The following CDRT4 variants were observed in gnomAD, a reference collection of about 807,000 sequenced individuals.
CDRT4 encodes CMT1A duplicated region transcript 4 protein.
For synonymous variants in CDRT4, 64 were observed against 69.6 expected (o/e 0.92, Z 0.40); for missense variants, 167 against 193.1 (o/e 0.87, Z 0.80).
chr17:15,441,752 C>G (rs757206149), intron 2 of CDRT4, among the ~76,000 whole-genome samples: 4 of 152,150 alleles, frequency 2.6e-5, no homozygotes, highest in Non-Finnish European at 4.4e-5. Flanking sequence ...CAAAAAAATG[C>G]TCTTTTTGTC....
In CDRT4 at chr17:15,457,734, G is replaced by A. The variant is rs573478142; in HGVS notation, c.-129-4649C>T. Reference sequence around the variant, plus strand: ...AGCAGCTTCTCAAAAAAGCCCCCCTGAGCTGCTTTGCTTTTGGGGCCACAG... The same window carrying A: ...AGCAGCTTCTCAAAAAAGCCCCCCTAAGCTGCTTTGCTTTTGGGGCCACAG... On this transcript the variant is annotated intron_variant, in intron 1 of 3. Transcript: ENST00000619038. Among the ~76,000 whole-genome samples the A allele has an allele frequency of 3.8e-4, 58 of 152,304 alleles. No homozygotes were observed. In the South Asian group the frequency reaches 7.5e-3, roughly 20 times the overall value.
chr17:15,443,118 G>GACA (rs1235804310), intron 2 of CDRT4, among the ~76,000 whole-genome samples: 1 of 152,042 alleles, frequency 6.6e-6, no homozygotes, highest in Non-Finnish European at 1.5e-5. Flanking sequence ...AATCTAGTCT[G>GACA]ACAGACTAGG....
intron 2 of CDRT4, among the ~76,000 whole-genome samples, chr17:15,440,685 C>T (rs985488137): frequency 8.5e-5 from 13 of 152,154 alleles, no homozygotes; most frequent in African/African-American, 2.7e-4. Flanking sequence ...ACTACAAGCA[C>T]GACATCCAAC....
chr17:15,465,170 CACAG>C lies in CDRT4; in HGVS notation c.-130+2286_-130+2289del, dbSNP rs796345441. Among the ~76,000 whole-genome samples, 390 of 134,356 alleles carry C rather than the reference CACAG, an allele frequency of 2.9e-3. 58 individuals are homozygous for C. The highest frequency in any genetic ancestry group is 0.011 in the African/African-American group (365 of 32,240). The allele number at this position is 134,356 out of a possible 152,430, so 88.1% of individuals were successfully genotyped here. ...ACACACCAACACACACACACCAACACACAGACACACAACACACATACCAACACAG... is the reference window on the plus strand; with the variant it reads ...ACACACCAACACACACACACCAACACACACACAACACACATACCAACACAG... On this transcript the variant is annotated intron_variant, in intron 1 of 3. Transcript: ENST00000619038.
intron 2 of CDRT4, among the ~76,000 whole-genome samples, chr17:15,441,277 T>G (rs527836531): frequency 6.6e-6 from 1 of 152,270 alleles, no homozygotes; most frequent in African/African-American, 2.4e-5. Flanking sequence ...AGGCAGTGCT[T>G]CTCAAATTTT....
At chr17:15,461,239 T>C (rs1423054194) in intron 1 of CDRT4, among the ~76,000 whole-genome samples, 1 of 152,238 alleles carries the variant, frequency 6.6e-6, no homozygotes, top group African/African-American at 2.4e-5. Flanking sequence ...CTGTCATGTA[T>C]ATCCCAGGAC....
chr17:15,437,651 A>T lies in CDRT4; in HGVS notation c.*122T>A. On this transcript the variant is annotated 3_prime_UTR_variant, in exon 4 of 4. Coordinates refer to ENST00000619038, the MANE Select transcript of CDRT4 (RefSeq NM_001204477.2). ...CTTAGCCAAGCTCCGCATGAGCAAG[A>T]GCAAGTTCAGATTTAAAGGACACTG... 1.9e-6 allele frequency: 2 copies of T among 1,045,354 alleles called. No individual in the cohort carries two copies. Among genetic ancestry groups the T allele is most frequent in the Non-Finnish European group, 2.8e-6 (2 of 723,504 alleles). The allele number at this position is 1,045,354 out of a possible 1,614,324, so 64.8% of individuals were successfully genotyped here. A position where few individuals can be genotyped will look rare whatever the true frequency, so the allele number is the denominator to read the frequency against.
At chr17:15,444,036 C>G (rs1456892191) in intron 2 of CDRT4, 1 of 856,768 alleles carries the variant, frequency 1.2e-6, no homozygotes, top group Non-Finnish European at 1.9e-6. Flanking sequence ...TTCAGTATCT[C>G]AAACCCAGAA....
intron 1 of CDRT4, among the ~76,000 whole-genome samples, chr17:15,457,836 G>A (rs1435332351): frequency 6.6e-6 from 1 of 152,154 alleles, no homozygotes; most frequent in African/African-American, 2.4e-5. Flanking sequence ...TCAGTGCACG[G>A]GGCTTCTCCT....
chr17:15,444,746 G>GAGA (rs1978941589), intron 2 of CDRT4, among the ~76,000 whole-genome samples: 2 of 149,412 alleles, frequency 1.3e-5, no homozygotes, highest in African/African-American at 2.5e-5. Flanking sequence ...GAGAGAGAGA[G>GAGA]GTCCAGAAGA....
At position 15,464,285 on chromosome 17, in the gene CDRT4, C is replaced by T. The variant is rs553282880; in HGVS notation, c.-130+3175G>A. On this transcript the variant is annotated intron_variant, in intron 1 of 3. Coordinates refer to ENST00000619038, the MANE Select transcript of CDRT4 (RefSeq NM_001204477.2). The surrounding 1 kb of genome is among the most constrained non-coding windows in gnomAD (Gnocchi z 4.5). ...AAGCCTTCAGGTTTGAGAGCTGATG[C>T]ATCCATACTCCAAATAGACCTTGAG... Among the ~76,000 whole-genome samples, 3 of 152,296 alleles carry T rather than the reference C, an allele frequency of 2.0e-5. No homozygotes were observed. Among genetic ancestry groups the T allele is most frequent in the African/African-American group, 4.8e-5 (2 of 41,552 alleles).
intron 3 of CDRT4, among the ~76,000 whole-genome samples, chr17:15,438,991 G>C (rs1345724194): frequency 6.6e-6 from 1 of 152,148 alleles, no homozygotes; most frequent in Non-Finnish European, 1.5e-5. Context: ...GTTTGCCGAG[G>C]GGGGTGGGTG....
At chr17:15,454,770 T>G (rs971249496) in intron 1 of CDRT4, among the ~76,000 whole-genome samples, 12 of 152,158 alleles carry the variant, frequency 7.9e-5, no homozygotes, top group Non-Finnish European at 2.9e-5. Flanking sequence ...GAACTCACGT[T>G]GAAACCCACC....
At chr17:15,440,162 A>C in intron 3 of CDRT4, 46 bp downstream of exon 3, 3 of 1,605,270 alleles carry the variant, frequency 1.9e-6, no homozygotes, top group Non-Finnish European at 2.6e-6. Context: ...CCAACCCTAG[A>C]CGGCCCCAGT....
chr17:15,439,336 C>A (rs2954761), intron 3 of CDRT4, among the ~76,000 whole-genome samples: 2 of 152,000 alleles, frequency 1.3e-5, no homozygotes, highest in African/African-American at 4.8e-5. Context: ...GTTATTCCCA[C>A]GCTGCCTCGT....
At chr17:15,441,069 G>A (rs549260500) in intron 2 of CDRT4, among the ~76,000 whole-genome samples, 5 of 152,290 alleles carry the variant, frequency 3.3e-5, no homozygotes, top group East Asian at 1.9e-4. Flanking sequence ...AGACACATGC[G>A]TATGCCTAAG....
At chr17:15,449,599 T>C (rs997577283) in intron 2 of CDRT4, among the ~76,000 whole-genome samples, 3 of 152,174 alleles carry the variant, frequency 2.0e-5, no homozygotes, top group Admixed American at 1.3e-4. Context: ...CGTGTGCCTG[T>C]TTGTTACGTG....
At chr17:15,465,628 C>G (rs537898163) in intron 1 of CDRT4, among the ~76,000 whole-genome samples, 1 of 152,036 alleles carries the variant, frequency 6.6e-6, no homozygotes, top group East Asian at 1.9e-4. Context: ...AGATACACAC[C>G]AAGACATTCA....
intron 1 of CDRT4, among the ~76,000 whole-genome samples, chr17:15,456,284 T>G (rs1379184064): frequency 6.6e-6 from 1 of 152,022 alleles, no homozygotes; most frequent in African/African-American, 2.4e-5. Flanking sequence ...GGGTTGCAGG[T>G]GGGGTATGGA....
Sources: allele counts gnomAD v4.1 joint callset (sites outside exome capture counted in the v4.1 genomes callset), GRCh38; gene constraint gnomAD v4.1.1; non-coding constraint Gnocchi (gnomAD v3.1); transcripts MANE v1.5; gene names NCBI Gene and HGNC (gene_info 2026-07-23, HGNC 2026-07-21).